Variants in MTA3 observed in about 807,000 individuals in gnomAD.
MTA3 encodes metastasis associated 1 family member 3.
In MTA3, 34 loss-of-function variants were observed where a neutral mutation model predicts 83.5. The observed-to-expected ratio is 0.41, with a 90% CI of 0.31 to 0.54. The LOEUF (loss-of-function observed/expected upper bound fraction) is 0.54. Ranked by LOEUF, MTA3 falls within the 20% of genes least tolerant of loss-of-function variation. MTA3 has a pLI of 0.33. For missense variants in MTA3, 761 were observed against 726.4 expected, an observed-to-expected ratio of 1.05 and a Z score of -0.55; for synonymous variants, 303 against 252.7, an observed-to-expected ratio of 1.20 and a Z score of -1.89.
At chr2:42,666,789 T>TATTCCC (rs1314706304) in intron 8 of MTA3, among the ~76,000 whole-genome samples, 2 of 152,334 alleles carry the variant, frequency 1.3e-5, no homozygotes, top group East Asian at 3.9e-4. Context: ...GCACCAAGCA[T>TATTCCC]AGTGCCTGGC....
At chr2:42,556,206 T>C (rs1179439194) in intron 2 of MTA3, among the ~76,000 whole-genome samples, 1 of 151,980 alleles carries the variant, frequency 6.6e-6, no homozygotes, top group Non-Finnish European at 1.5e-5. Context: ...CCAGTCTCAT[T>C]CTTCTGCTTC....
intron 6 of MTA3, among the ~76,000 whole-genome samples, chr2:42,648,360 T>C (rs1376923471): frequency 6.6e-6 from 1 of 152,256 alleles, no homozygotes; most frequent in Non-Finnish European, 1.5e-5. Flanking sequence ...CTAACCCTTT[T>C]AGTACTCCTG....
Position 42,756,672 on chromosome 2 carries a change from C to T in MTA3, c.*3273C>T. On this transcript the variant is annotated 3_prime_UTR_variant, in exon 17 of 17. Transcript: ENST00000405094. ...ATTCTTTACTGTTGTCCCTGTTTTCCTTTGGGGGAATTTACTCAGTTAGCA... is the reference window on the plus strand; with the variant it reads ...ATTCTTTACTGTTGTCCCTGTTTTCTTTTGGGGGAATTTACTCAGTTAGCA... The T allele has an allele frequency of 2.0e-6, 2 of 985,428 alleles. No individual in the cohort carries two copies. Among genetic ancestry groups the T allele is most frequent in the Non-Finnish European group, 2.4e-6 (2 of 829,956 alleles). 61.0% of individuals were successfully genotyped at this position (985,428 alleles called of 1,614,324 possible). A position where few individuals can be genotyped will look rare whatever the true frequency, so the allele number is the denominator to read the frequency against.
intron 9 of MTA3, among the ~76,000 whole-genome samples, chr2:42,684,067 T>C (rs1038493216): frequency 3.3e-5 from 5 of 152,208 alleles, no homozygotes; most frequent in African/African-American, 1.2e-4. Context: ...TCACCTCACT[T>C]ACTTACCCCA....
chr2:42,527,797 C>T (rs1394730729), intron 2 of MTA3, among the ~76,000 whole-genome samples: 1 of 151,212 alleles, frequency 6.6e-6, no homozygotes, highest in East Asian at 1.9e-4. Flanking sequence ...TGAGGCCAGC[C>T]TGGTCAATAT....
intron 3 of MTA3, among the ~76,000 whole-genome samples, chr2:42,594,652 A>AC (rs1681467464): frequency 8.5e-5 from 5 of 58,824 alleles, no homozygotes; most frequent in Non-Finnish European, 1.6e-4. Flanking sequence ...ATATATATAT[A>AC]AATATATATA....
intron 8 of MTA3, among the ~76,000 whole-genome samples, chr2:42,664,137 GTCTT>G (rs1386491307): frequency 6.6e-6 from 1 of 152,000 alleles, no homozygotes; most frequent in Admixed American, 6.6e-5. Context: ...CGTCATTATT[GTCTT>G]TCTTTGAGGC....
chr2:42,685,667 A>G (rs1409729421), intron 9 of MTA3, among the ~76,000 whole-genome samples: 4 of 152,148 alleles, frequency 2.6e-5, no homozygotes, highest in African/African-American at 7.2e-5. Flanking sequence ...CCCTTAGGTC[A>G]TGGTTGTTGA....
intron 4 of MTA3, among the ~76,000 whole-genome samples, chr2:42,613,437 G>T (rs934241474): frequency 1.3e-5 from 2 of 152,198 alleles, no homozygotes; most frequent in Admixed American, 1.3e-4. Flanking sequence ...GCAGTCCCTG[G>T]CCAAGGCATG....
chr2:42,708,714 C>T (rs1272384614), intron 13 of MTA3, among the ~76,000 whole-genome samples, 160 bp from the exon 14 acceptor site: 1 of 152,202 alleles, frequency 6.6e-6, no homozygotes, highest in Admixed American at 6.5e-5. Flanking sequence ...CCCAAAAGTG[C>T]ACACTTTAAT....
intron 4 of MTA3, 70 bp downstream of exon 4, chr2:42,609,654 G>A (rs1002801787): frequency 3.6e-5 from 54 of 1,489,708 alleles, no homozygotes; most frequent in Admixed American, 1.9e-4. Flanking sequence ...TCTTTGAAGC[G>A]TTTTCCAGAC....
At chr2:42,576,365 G>A (rs1052932378) in intron 2 of MTA3, among the ~76,000 whole-genome samples, 3 of 152,248 alleles carry the variant, frequency 2.0e-5, no homozygotes, top group Non-Finnish European at 4.4e-5. Flanking sequence ...ACCATGGGAA[G>A]AGAGGACGCA....
At chr2:42,508,484 A>G (rs1423306998) in intron 2 of MTA3, among the ~76,000 whole-genome samples, 1 of 151,810 alleles carries the variant, frequency 6.6e-6, no homozygotes, top group Non-Finnish European at 1.5e-5. Flanking sequence ...GGCGTGTGAC[A>G]CTATGCCCTG....
At chr2:42,656,144 T>C in intron 6 of MTA3, 56 bp from the exon 7 acceptor site, 2 of 1,264,386 alleles carry the variant, frequency 1.6e-6, no homozygotes, top group South Asian at 2.4e-5. Flanking sequence ...TCATCAGTGG[T>C]ATGAGACAGT....
rs139532748 is a variant in MTA3, at chr2:42,610,925, A to G, written c.317+1341A>G. Reference sequence around the variant, plus strand: ...TTTCTTTTGTCCACCTCTGCTGGTCATAATGGTCCTTAAAAACTATATATA... The same window carrying G: ...TTTCTTTTGTCCACCTCTGCTGGTCGTAATGGTCCTTAAAAACTATATATA... On this transcript the variant is annotated intron_variant, in intron 4 of 16. Coordinates refer to ENST00000405094, the MANE Select transcript of MTA3 (RefSeq NM_001330442.2). Among the ~76,000 whole-genome samples, 749 of 151,808 alleles carry G rather than the reference A, an allele frequency of 4.9e-3. 5 individuals are homozygous for G. The highest frequency in any genetic ancestry group is 0.017 in the African/African-American group (725 of 41,430).
chr2:42,500,260 G>A (rs984494430), intron 2 of MTA3, among the ~76,000 whole-genome samples: 8 of 152,130 alleles, frequency 5.3e-5, no homozygotes, highest in African/African-American at 1.4e-4. Flanking sequence ...TTAGCTGGAC[G>A]TGGTGGTGGG....
chr2:42,572,575 A>T (rs80200732), intron 2 of MTA3, among the ~76,000 whole-genome samples: 4 of 146,634 alleles, frequency 2.7e-5, no homozygotes, highest in African/African-American at 5.2e-5. Context: ...TCTCGAAATT[A>T]AAAAAAAAAA....
intron 3 of MTA3, among the ~76,000 whole-genome samples, chr2:42,606,807 C>T (rs7606545): frequency 0.76 from 110,183 of 145,810 alleles, 42,051 homozygotes; most frequent in South Asian, 0.88. Flanking sequence ...ACTGAGTGAA[C>T]GAGACTCCGT....
chr2:42,685,353 A>G (rs4953564), intron 9 of MTA3, among the ~76,000 whole-genome samples: 113,592 of 152,086 alleles, frequency 0.75, 42,743 homozygotes, highest in South Asian at 0.88. Context: ...AGTACTAGGG[A>G]AGATGAAGAA....
Sources: gnomAD v4.1 joint callset for allele counts (sites outside exome capture counted in the v4.1 genomes callset) on GRCh38, gnomAD v4.1.1 for gene constraint, MANE v1.5 for transcripts, NCBI Gene and HGNC (gene_info 2026-07-23, HGNC 2026-07-21) for gene names.